The following TCF3 variants were observed in gnomAD, a reference collection of about 807,000 sequenced individuals.
TCF3 encodes the protein transcription factor 3.
TCF3 carries 54 observed loss-of-function variants against 72.3 expected under a neutral mutation model. The observed-to-expected ratio is 0.75, with a 90% CI of 0.60 to 0.94. TCF3 has a LOEUF of 0.94. Among genes scored for constraint, TCF3 ranks in the 40% least tolerant of loss-of-function variants. The pLI is 0.00. For synonymous variants in TCF3, 525 were observed against 412.6 expected (o/e 1.27, Z -3.30); for missense variants, 1,078 against 934.4 (o/e 1.15, Z -2.00).
At chr19:1,624,836 T>C (rs1318878840) in intron 7 of TCF3, among the ~76,000 whole-genome samples, 1 of 152,200 alleles carries the variant, frequency 6.6e-6, no homozygotes, top group Non-Finnish European at 1.5e-5. Flanking sequence ...TTTGTGCTTT[T>C]TGTGGGTGAT....
intron 8 of TCF3, 140 bp downstream of exon 8, chr19:1,623,811 C>T (rs997271111): frequency 1.9e-5 from 16 of 827,794 alleles, no homozygotes; most frequent in Non-Finnish European, 2.8e-5. Context: ...GGTCAGAGCT[C>T]AGATCTTGGC....
At chr19:1,625,520 T>TCC in intron 7 of TCF3, 56 bp downstream of exon 7, 2 of 1,492,326 alleles carry the variant, frequency 1.3e-6, no homozygotes, top group Non-Finnish European at 1.8e-6. Flanking sequence ...GCCTCCTACC[T>TCC]CCCTTTGCAG....
At chr19:1,630,437 C>T (rs980786382) in intron 5 of TCF3, among the ~76,000 whole-genome samples, 21 of 152,208 alleles carry the variant, frequency 1.4e-4, no homozygotes, top group African/African-American at 4.1e-4. Flanking sequence ...ACCGTCCCTG[C>T]CCCGCTGTGG....
rs1162451978 is a variant in TCF3 at position 1,650,305 on chromosome 19, G to A, written c.-39-18C>T. On this transcript the variant is annotated intron_variant, in intron 1 of 18. Coordinates refer to ENST00000262965, the MANE Select transcript of TCF3 (RefSeq NM_003200.5). ...TGGAAACCCTGCTTGGTGGATGTGGGGACAGATGGACAGGGAGAAACAGGG... is the reference window on the plus strand; with the variant it reads ...TGGAAACCCTGCTTGGTGGATGTGGAGACAGATGGACAGGGAGAAACAGGG... 2 of 1,488,716 alleles carry A rather than the reference G, an allele frequency of 1.3e-6. No individual in the cohort carries two copies. Among genetic ancestry groups the A allele is most frequent in the Non-Finnish European group, 1.8e-6 (2 of 1,100,280 alleles). The allele number at this position is 1,488,716 out of a possible 1,614,324, so 92.2% of individuals were successfully genotyped here.
chr19:1,617,773 G>C (rs2061702797), intron 16 of TCF3, among the ~76,000 whole-genome samples: 2 of 152,190 alleles, frequency 1.3e-5, no homozygotes, highest in African/African-American at 4.8e-5. Context: ...CTGACCTGTG[G>C]GTCCGGACCC....
In TCF3 at chr19:1,623,266, G is replaced by A. The variant is rs77472341; in HGVS notation, c.549+685C>T. Among the ~76,000 whole-genome samples the A allele has an allele frequency of 7.1e-3, 1,077 of 152,212 alleles. 20 individuals are homozygous for A. Among genetic ancestry groups the A allele is most frequent in the African/African-American group, 0.024 (1,006 of 41,518 alleles). ...CCTCTCCCTCCAGCGAGATGAGACC[G>A]CAGGAGTGTGGCACAGCAGCCTGGA... On this transcript the variant is annotated intron_variant, in intron 8 of 18. Transcript: ENST00000262965.
At position 1,609,694 on chromosome 19, in the gene TCF3, A is replaced by G. The variant is rs2060854876; in HGVS notation, c.*2013T>C. ...GTAGGGGAAGCCACCGAGAAGGGAG[A>G]GGCAGCCGGACAGCCCCTCCCCTCC... On this transcript the variant is annotated 3_prime_UTR_variant, in exon 19 of 19. Transcript: ENST00000262965. 4.4e-6 allele frequency: 1 copy of G among 226,846 alleles called. No individual in the cohort carries two copies. The highest frequency in any genetic ancestry group is 8.7e-6 in the Non-Finnish European group (1 of 114,550). The allele number at this position is 226,846 out of a possible 1,614,324, so 14.1% of individuals were successfully genotyped here. A position where few individuals can be genotyped will look rare whatever the true frequency, so the allele number is the denominator to read the frequency against.
Position 1,614,678 on chromosome 19 carries a change from G to A in TCF3, c.1822+607C>T, listed in dbSNP as rs546957136. Among the ~76,000 whole-genome samples, 24 of 152,258 alleles carry A rather than the reference G, an allele frequency of 1.6e-4. No homozygotes were observed. Among genetic ancestry groups the A allele is most frequent in the Admixed American group, 6.5e-4 (10 of 15,298 alleles). On this transcript the variant is annotated intron_variant, in intron 18 of 18. Coordinates refer to ENST00000262965, the MANE Select transcript of TCF3 (RefSeq NM_003200.5). The surrounding 1 kb of genome is among the most constrained non-coding windows in gnomAD (Gnocchi z 5.6). ...AAAGGAAGGAGTTAAGGAAGCAGCC[G>A]CCAGCGCCAGCGGGGGGAAGGAGTC... is the stretch of plus-strand genomic sequence containing the variant.
At position 1,614,827 on chromosome 19, in the gene TCF3, G is replaced by T. The variant is rs1361737927; in HGVS notation, c.1822+458C>A. Among the ~76,000 whole-genome samples the T allele has an allele frequency of 4.6e-5, 7 of 152,094 alleles. No individual in the cohort carries two copies. The highest frequency in any genetic ancestry group is 2.9e-5 in the Non-Finnish European group (2 of 68,008). On this transcript the variant is annotated intron_variant, in intron 18 of 18. Transcript: ENST00000262965. The surrounding 1 kb of genome is among the most constrained non-coding windows in gnomAD (Gnocchi z 5.6). Reference sequence around the variant, plus strand: ...TAGGGAAACTGAGTCAGAGACAGGGGATGGGCTCATGTGGCCTTGCGTGGC... The same window carrying T: ...TAGGGAAACTGAGTCAGAGACAGGGTATGGGCTCATGTGGCCTTGCGTGGC...
intron 7 of TCF3, among the ~76,000 whole-genome samples, chr19:1,624,465 G>A (rs555147815): frequency 2.0e-4 from 30 of 152,278 alleles, no homozygotes; most frequent in Non-Finnish European, 3.7e-4. Flanking sequence ...CAAAGATGTC[G>A]AAGAACCACG....
chr19:1,620,784 T>C (rs773704651), intron 13 of TCF3, among the ~76,000 whole-genome samples, 184 bp downstream of exon 13: 3 of 152,188 alleles, frequency 2.0e-5, no homozygotes, highest in Non-Finnish European at 4.4e-5. Context: ...CGTCGGTTCC[T>C]GACCAGCGAT....
rs772954840 is a variant in TCF3 at position 1,624,065 on chromosome 19, T to G, written c.500-65A>C. ...TGAGAACAACCCCTGCCCTACACCC[T>G]GGAGGAGAGACCCTCACAATTCCCG... On this transcript the variant is annotated intron_variant, in intron 7 of 18. Coordinates refer to ENST00000262965, the MANE Select transcript of TCF3 (RefSeq NM_003200.5). 328 of 1,516,980 alleles carry G rather than the reference T, an allele frequency of 2.2e-4. 3 individuals are homozygous for G. Among genetic ancestry groups the G allele is most frequent in the Middle Eastern group, 5.1e-4 (3 of 5,868 alleles). The allele number at this position is 1,516,980 out of a possible 1,614,324, so 94.0% of individuals were successfully genotyped here.
intron 6 of TCF3, among the ~76,000 whole-genome samples, chr19:1,626,894 G>A (rs1316953482): frequency 6.6e-6 from 1 of 151,960 alleles, no homozygotes; most frequent in Non-Finnish European, 1.5e-5. Flanking sequence ...TGAAGTCCTG[G>A]GGTGAGGGAG....
intron 3 of TCF3, among the ~76,000 whole-genome samples, chr19:1,641,583 G>C (rs1332289235): frequency 6.6e-6 from 1 of 152,100 alleles, no homozygotes; most frequent in Non-Finnish European, 1.5e-5. Context: ...CTCCCGAGTA[G>C]CTGGGATGAC....
chr19:1,634,742 A>G (rs2064169396), intron 3 of TCF3, among the ~76,000 whole-genome samples: 2 of 152,316 alleles, frequency 1.3e-5, no homozygotes, highest in African/African-American at 4.8e-5. Flanking sequence ...TAGGACTGAG[A>G]TTGGTCTGCA....
chr19:1,632,164 C>G (rs1166219097), intron 4 of TCF3, 48 bp from the exon 5 acceptor site: 1 of 1,588,368 alleles, frequency 6.3e-7, no homozygotes, highest in Non-Finnish European at 8.6e-7. Flanking sequence ...TTCACAGGCC[C>G]CCCCTCCACC....
chr19:1,629,424 G>A (rs191780712), intron 5 of TCF3, among the ~76,000 whole-genome samples: 5 of 152,274 alleles, frequency 3.3e-5, no homozygotes, highest in East Asian at 3.9e-4. Context: ...TCCCTGGGGC[G>A]CTCAGTGACA....
In TCF3 at chr19:1,621,817, CATCCCAGGGAGGGGCCAT is replaced by C; in HGVS notation, c.955+3_955+20del. 6.4e-7 allele frequency: 1 copy of C among 1,571,676 alleles called. No homozygotes were observed. Among genetic ancestry groups the C allele is most frequent in the Non-Finnish European group, 8.6e-7 (1 of 1,159,974 alleles). On this transcript the variant is annotated splice_donor_5th_base_variant and intron_variant, in intron 11 of 18. Coordinates refer to ENST00000262965, the MANE Select transcript of TCF3 (RefSeq NM_003200.5). ...GCCCAGTGTCCCCTCGGAGAGGCCG[CATCCCAGGGAGGGGCCAT>C]ACCCAGGAGGCTGTCGGCCCCGCTG...
Position 1,622,317 on chromosome 19 carries a change from C to CA in TCF3, c.647dup (p.Ala217GlyfsTer37). Reference sequence around the variant, plus strand: ...AGCCCCCGCCCTGCCATGTACCTGCCACGTAGAAGGGGGCGGGATAGGTGC... The same window carrying CA: ...AGCCCCCGCCCTGCCATGTACCTGCCAACGTAGAAGGGGGCGGGATAGGTGC... On this transcript the variant is annotated frameshift_variant, in exon 9 of 19. Coordinates refer to ENST00000262965, the MANE Select transcript of TCF3 (RefSeq NM_003200.5). LOFTEE classifies it high-confidence loss of function. The CA allele has an allele frequency of 6.5e-7, 1 of 1,530,002 alleles. No homozygotes were observed. Among genetic ancestry groups the CA allele is most frequent in the Non-Finnish European group, 8.8e-7 (1 of 1,138,380 alleles). 94.8% of individuals were successfully genotyped at this position (1,530,002 alleles called of 1,614,324 possible).
Sources: gnomAD v4.1 joint callset for allele counts (sites outside exome capture counted in the v4.1 genomes callset) on GRCh38, gnomAD v4.1.1 for gene constraint, Gnocchi (gnomAD v3.1) non-coding constraint, MANE v1.5 for transcripts, NCBI Gene and HGNC (gene_info 2026-07-23, HGNC 2026-07-21) for gene names.